Variants in ZNF234 observed in about 807,000 individuals in gnomAD.
ZNF234 encodes C2-H2 type zinc finger protein.
In ZNF234, 4 loss-of-function variants were observed where a neutral mutation model predicts 10.3. The observed-to-expected ratio is 0.39, with a 90% CI of 0.19 to 0.89. ZNF234 has a LOEUF of 0.89. Among genes scored for constraint, ZNF234 ranks in the 40% least tolerant of loss-of-function variants. The pLI is 0.38. For missense variants in ZNF234, 711 were observed against 836.1 expected (o/e 0.85, Z 1.85); for synonymous variants, 258 against 280.1 (o/e 0.92, Z 0.79).
intron 3 of ZNF234, among the ~76,000 whole-genome samples, chr19:44,145,807 G>A (rs753998445): frequency 1.3e-5 from 2 of 152,178 alleles, no homozygotes; most frequent in South Asian, 2.1e-4. Context: ...TTTGTGCCTC[G>A]ATCATACTTT....
intron 5 of ZNF234, among the ~76,000 whole-genome samples, chr19:44,151,564 T>C (rs1968744949): frequency 6.6e-6 from 1 of 152,192 alleles, no homozygotes; most frequent in South Asian, 2.1e-4. Context: ...ATGATAAAAA[T>C]GTATTGTCTT....
At position 44,157,106 on chromosome 19, in the gene ZNF234, A is replaced by G. The variant is rs1568554325; in HGVS notation, c.1090A>G (p.Arg364Gly). 1 of 1,614,132 alleles carries G rather than the reference A, an allele frequency of 6.2e-7. No individual in the cohort carries two copies. Among genetic ancestry groups the G allele is most frequent in the Admixed American group, 1.7e-5 (1 of 59,996 alleles). Residue 364 changes from arginine (R) to glycine (G), a missense_variant, in exon 6 of 6, where the codon AGA becomes GGA. Physicochemically the swap from Arg to Gly is moderately radical, Grantham distance 125. Coordinates refer to ENST00000426739, the MANE Select transcript of ZNF234 (RefSeq NM_006630.3). ...GCCTTCACAATTTCAGGCCCATCGG[A>G]GAATCCACACTGGAGAGAAACCATA... The part of the protein sequence containing the change: ...IQPSQFQAHR[R>G]IHTGEKPYVC...
In ZNF234 at chr19:44,156,861, A is replaced by G; in HGVS notation, c.845A>G (p.His282Arg). The change falls in exon 6 of 6, where the codon CAT (histidine) becomes CGT (arginine). Residue 282 changes from histidine to arginine, a missense_variant. By Grantham distance (29) the His-to-Arg change is conservative. Transcript: ENST00000426739. ...ASHLQEHQRI[H>R]TGEKPFKCDT... ...CATCTTCAGGAACATCAGAGAATTCATACTGGGGAGAAACCATTCAAATGT... is the reference window on the plus strand; with the variant it reads ...CATCTTCAGGAACATCAGAGAATTCGTACTGGGGAGAAACCATTCAAATGT... 1 of 1,613,484 alleles carries G rather than the reference A, an allele frequency of 6.2e-7. No homozygotes were observed. Among genetic ancestry groups the G allele is most frequent in the Non-Finnish European group, 8.5e-7 (1 of 1,179,614 alleles).
chr19:44,151,219 G>T (rs1046087228), intron 5 of ZNF234, among the ~76,000 whole-genome samples: 2 of 151,858 alleles, frequency 1.3e-5, no homozygotes, highest in Non-Finnish European at 2.9e-5. Flanking sequence ...CCCAGACCTG[G>T]TAAGGACATT....
intron 3 of ZNF234, among the ~76,000 whole-genome samples, chr19:44,147,066 G>A (rs111776561): frequency 0.14 from 20,509 of 151,206 alleles, 3,350 homozygotes; most frequent in African/African-American, 0.38. Context: ...CACCTGCCTC[G>A]GCCTCCCAAA....
At chr19:44,142,277 C>T (rs1375261602) in intron 1 of ZNF234, 37 bp from the exon 2 acceptor site, 1 of 152,308 alleles carries the variant, frequency 6.6e-6, no homozygotes, top group Non-Finnish European at 1.5e-5. Context: ...GGGACAGCGA[C>T]CCAGTCAGGA....
Sources: gnomAD v4.1 joint callset for allele counts (sites outside exome capture counted in the v4.1 genomes callset) on GRCh38, gnomAD v4.1.1 for gene constraint, MANE v1.5 for transcripts, NCBI Gene and HGNC (gene_info 2026-07-23, HGNC 2026-07-21) for gene names.